Variants in GSTO2 observed in about 807,000 individuals in gnomAD.
GSTO2 encodes glutathione S-transferase omega-2.
A neutral mutation model predicts 28.4 loss-of-function variants in GSTO2; 23 were observed. The observed-to-expected ratio is 0.81, with a 90% CI of 0.58 to 1.15. GSTO2 has a LOEUF of 1.15. Ranked by LOEUF, GSTO2 falls within the 50% of genes most tolerant of loss-of-function variation. The pLI is 0.00. For synonymous variants in GSTO2, 109 were observed against 111.0 expected (o/e 0.98, Z 0.11); for missense variants, 298 against 297.8 (o/e 1.00, Z 0.00).
Position 104,299,420 on chromosome 10 carries a change from T to G in GSTO2, c.*136T>G, listed in dbSNP as rs2013192669. On this transcript the variant is annotated 3_prime_UTR_variant, in exon 7 of 7. Coordinates refer to ENST00000338595, the MANE Select transcript of GSTO2 (RefSeq NM_183239.2). ...AATAAAATGAAAACAGGAAATGTAT[T>G]CTTCTGATAATCATTTGTCTGACTC... 1.0e-6 allele frequency: 1 copy of G among 994,542 alleles called. No homozygotes were observed. The highest frequency in any genetic ancestry group is 1.5e-6 in the Non-Finnish European group (1 of 657,858). 61.6% of individuals were successfully genotyped at this position (994,542 alleles called of 1,614,324 possible). A position where few individuals can be genotyped will look rare whatever the true frequency, so the allele number is the denominator to read the frequency against.
At chr10:104,298,471 T>A (rs1385330073) in intron 6 of GSTO2, among the ~76,000 whole-genome samples, 2 of 152,190 alleles carry the variant, frequency 1.3e-5, no homozygotes, top group Admixed American at 6.5e-5. Flanking sequence ...AAACTCAATA[T>A]CAAACATAAA....
intron 6 of GSTO2, 88 bp from the exon 7 acceptor site, chr10:104,299,040 C>G (rs1274040895): frequency 8.3e-7 from 1 of 1,208,772 alleles, no homozygotes; most frequent in African/African-American, 1.6e-5. Context: ...ACTCATTCTT[C>G]ATATCTTGCA....
chr10:104,301,947 A>G lies in GSTO2; in HGVS notation c.*2663A>G, dbSNP rs1037946306. On this transcript the variant is annotated 3_prime_UTR_variant, in exon 7 of 7. Coordinates refer to ENST00000338595, the MANE Select transcript of GSTO2 (RefSeq NM_183239.2). ...TGAGAGCCTGTATTAGGCCATTCTC[A>G]TGGTGCTATAAAGAACTGCCCAAGA... 6.6e-5 allele frequency: 10 copies of G among 152,232 alleles called. No individual in the cohort carries two copies. The highest frequency in any genetic ancestry group is 1.7e-4 in the African/African-American group (7 of 41,446). 9.4% of individuals were successfully genotyped at this position (152,232 alleles called of 1,614,324 possible).
At chr10:104,279,967 A>G (rs276202) in intron 5 of GSTO2, among the ~76,000 whole-genome samples, 1,859 of 152,134 alleles carry the variant, frequency 0.012, 26 homozygotes, top group African/African-American at 0.043. Flanking sequence ...GTTTAAGACC[A>G]GCCTAGGCAA....
intron 5 of GSTO2, among the ~76,000 whole-genome samples, chr10:104,283,707 C>A (rs2012226200): frequency 6.6e-6 from 1 of 152,138 alleles, no homozygotes; most frequent in South Asian, 2.1e-4. Flanking sequence ...TTGAATTATG[C>A]GATCTGTTCC....
At chr10:104,292,201 CTT>C (rs35690921) in intron 5 of GSTO2, among the ~76,000 whole-genome samples, 40 of 137,840 alleles carry the variant, frequency 2.9e-4, no homozygotes, top group Admixed American at 3.6e-4. Flanking sequence ...TGGCCAATAT[CTT>C]TTTTTTTTTT....
At chr10:104,295,458 G>A (rs929902256) in intron 5 of GSTO2, 1 of 152,296 alleles carries the variant, frequency 6.6e-6, no homozygotes, top group African/African-American at 2.4e-5. Context: ...CTTTCTATCA[G>A]GGATGGATTT....
chr10:104,287,133 A>G (rs1163868594), intron 5 of GSTO2, among the ~76,000 whole-genome samples: 3 of 152,058 alleles, frequency 2.0e-5, no homozygotes, highest in Non-Finnish European at 2.9e-5. Context: ...CCTCACTGCA[A>G]CCTTGAACTC....
At chr10:104,271,317 C>A (rs2011391365) in intron 1 of GSTO2, among the ~76,000 whole-genome samples, 1 of 152,194 alleles carries the variant, frequency 6.6e-6, no homozygotes, top group Non-Finnish European at 1.5e-5. Flanking sequence ...AAAGCCGAAT[C>A]ACAGTGTGCT....
At chr10:104,275,074 T>C in intron 2 of GSTO2, 125 bp downstream of exon 2, 6 of 1,500,846 alleles carry the variant, frequency 4.0e-6, no homozygotes, top group South Asian at 1.3e-5. Flanking sequence ...AGGGCTCTCC[T>C]GAAGAAAAGC....
At chr10:104,294,232 T>C (rs980832108) in intron 5 of GSTO2, among the ~76,000 whole-genome samples, 7 of 152,250 alleles carry the variant, frequency 4.6e-5, no homozygotes, top group African/African-American at 1.7e-4. Context: ...TACACTACAC[T>C]TCTAATCCTT....
At position 104,293,122 on chromosome 10, in the gene GSTO2, A is replaced by T. The variant is rs373755337; in HGVS notation, c.469-4456A>T. Among the ~76,000 whole-genome samples, 3 of 152,352 alleles carry T rather than the reference A, an allele frequency of 2.0e-5. No homozygotes were observed. In the East Asian group the frequency reaches 5.8e-4, roughly 29 times the overall value. On this transcript the variant is annotated intron_variant, in intron 5 of 6. Transcript: ENST00000338595. ...CATAATGACTATGTTGGAATGTCTCATCCCTCTGTCAGTTGCTTTGGCTTG... is the reference window on the plus strand; with the variant it reads ...CATAATGACTATGTTGGAATGTCTCTTCCCTCTGTCAGTTGCTTTGGCTTG...
At chr10:104,280,122 C>T (rs2135104822) in intron 5 of GSTO2, among the ~76,000 whole-genome samples, 1 of 135,740 alleles carries the variant, frequency 7.4e-6, no homozygotes, top group African/African-American at 2.9e-5. Context: ...GCCATGATTG[C>T]ACCACTGCAC....
At chr10:104,285,588 C>T (rs1384528134) in intron 5 of GSTO2, among the ~76,000 whole-genome samples, 1 of 152,098 alleles carries the variant, frequency 6.6e-6, no homozygotes, top group Admixed American at 6.5e-5. Context: ...TAGCTGGGAC[C>T]ACAGGTTCAG....
Position 104,297,651 on chromosome 10 carries a change from G to A in GSTO2, c.542G>A (p.Trp181Ter). 2.5e-6 allele frequency: 4 copies of A among 1,613,692 alleles called. No homozygotes were observed. The highest frequency in any genetic ancestry group is 3.4e-6 in the Non-Finnish European group (4 of 1,179,648). Residue 181 changes from tryptophan (W) to a stop codon, truncating the protein, a stop_gained, in exon 6 of 7, where the codon TGG becomes TAG. Transcript: ENST00000338595. LOFTEE classifies it high-confidence loss of function. The part of the protein sequence containing the change: ...ISMIDYLLWP[W>*]FERLDVYGIL... Reference sequence around the variant, plus strand: ...ATGATTGATTACCTCCTCTGGCCCTGGTTTGAGCGGCTGGATGTGTATGGG... The same window carrying A: ...ATGATTGATTACCTCCTCTGGCCCTAGTTTGAGCGGCTGGATGTGTATGGG...
chr10:104,276,761 C>G (rs572223329), intron 3 of GSTO2, among the ~76,000 whole-genome samples: 17 of 152,334 alleles, frequency 1.1e-4, no homozygotes, highest in Admixed American at 8.5e-4. Flanking sequence ...TGTGAGCCAC[C>G]TCATCCAGCC....
chr10:104,295,742 T>A (rs959203702), intron 5 of GSTO2: 1 of 152,184 alleles, frequency 6.6e-6, no homozygotes, highest in African/African-American at 2.4e-5. Context: ...CATCCTTACC[T>A]ACAACTCTGA....
chr10:104,270,168 C>A (rs1208775680), intron 1 of GSTO2, among the ~76,000 whole-genome samples: 1 of 152,192 alleles, frequency 6.6e-6, no homozygotes, highest in East Asian at 1.9e-4. Flanking sequence ...CGCCCGCCAC[C>A]GCGCCCGGCT....
intron 1 of GSTO2, among the ~76,000 whole-genome samples, chr10:104,272,045 C>T (rs2011430433): frequency 1.3e-5 from 2 of 152,076 alleles, no homozygotes; most frequent in South Asian, 2.1e-4. Context: ...AGAGTGAGCC[C>T]TAATATATTA....
Sources: gnomAD v4.1 joint callset for allele counts (sites outside exome capture counted in the v4.1 genomes callset) on GRCh38, gnomAD v4.1.1 for gene constraint, MANE v1.5 for transcripts, NCBI Gene and HGNC (gene_info 2026-07-23, HGNC 2026-07-21) for gene names.